SCIN: variants seen among roughly 807,000 people sequenced by gnomAD.
SCIN encodes the protein scinderin, also known as adseverin.
Under a neutral mutation model 91.8 loss-of-function variants are expected in SCIN, and 91 were observed. The ratio of observed to expected loss-of-function variants is 0.99; its 90% CI spans 0.84 to 1.18. SCIN has a LOEUF of 1.18. Among genes scored for constraint, SCIN ranks in the 50% most tolerant of loss-of-function variants. The pLI is 0.00. For synonymous variants in SCIN, 367 were observed against 312.6 expected, an observed-to-expected ratio of 1.17 and a Z score of -1.84; for missense variants, 1,087 against 863.9, an observed-to-expected ratio of 1.26 and a Z score of -3.24.
Position 12,652,720 on chromosome 7 carries a change from G to A in SCIN, c.*5G>A. On this transcript the variant is annotated 3_prime_UTR_variant, in exon 16 of 16. Coordinates refer to ENST00000297029, the MANE Select transcript of SCIN (RefSeq NM_001112706.3). ...TGGGATTCCAGCAAGTGGTAAATTG[G>A]TATTTGTAAAAAGCAAACAAACATT... 6.2e-7 allele frequency: 1 copy of A among 1,601,030 alleles called. No individual in the cohort carries two copies. Among genetic ancestry groups the A allele is most frequent in the Non-Finnish European group, 8.5e-7 (1 of 1,176,114 alleles).
At chr7:12,577,854 TCA>T (rs1782407266) in intron 1 of SCIN, 1 of 424,970 alleles carries the variant, frequency 2.4e-6, no homozygotes, top group Non-Finnish European at 4.0e-6. Context: ...ACACCCTCTC[TCA>T]AAAAAAAAAA....
rs1782251334 is a variant in SCIN, at chr7:12,570,870, G to C, written c.84G>C (p.Glu28Asp). The C allele has an allele frequency of 6.4e-7, 1 of 1,551,518 alleles. No homozygotes were observed. The highest frequency in any genetic ancestry group is 2.0e-5 in the Admixed American group (1 of 50,990). The change falls in exon 1 of 16, where the codon GAG becomes GAC. Residue 28 changes from glutamate (E) to aspartate (D), a missense_variant. Coordinates refer to ENST00000297029, the MANE Select transcript of SCIN (RefSeq NM_001112706.3). ...AGGTCTGGAGGATTGAGAAGCTGGA[G>C]CTGGTGCCCGTGCCCCAGAGCGCTC... ...GLQVWRIEKL[E>D]LVPVPQSAHG...
At chr7:12,648,913 T>C (rs1472325134) in intron 13 of SCIN, among the ~76,000 whole-genome samples, 1 of 152,122 alleles carries the variant, frequency 6.6e-6, no homozygotes. Flanking sequence ...GGAGTTAAAG[T>C]TTCACTGACA....
At chr7:12,644,344 C>CTAGAATTTAT in intron 12 of SCIN, 29 bp downstream of exon 12, 1 of 1,556,774 alleles carries the variant, frequency 6.4e-7, no homozygotes, top group Non-Finnish European at 8.7e-7. Flanking sequence ...AGGGCACTAA[C>CTAGAATTTAT]TAGAATTTAT....
Position 12,625,058 on chromosome 7 carries a change from A to T in SCIN, c.808A>T (p.Asn270Tyr). Residue 270 changes from asparagine to tyrosine, a missense_variant, in exon 6 of 16, where the codon AAC becomes TAC. Asn to Tyr is a moderately radical substitution (Grantham distance 143). Coordinates refer to ENST00000297029, the MANE Select transcript of SCIN (RefSeq NM_001112706.3). ...GAGAGTGACTGTGGTGGCAGAAGAA[A>T]ACCCCTTCTCAATGGCAATGCTGCT... ...SMRVTVVAEENPFSMAMLLSE... is the reference protein window; with the variant it reads ...SMRVTVVAEEYPFSMAMLLSE... 6.3e-7 allele frequency: 1 copy of T among 1,590,378 alleles called. No homozygotes were observed. The highest frequency in any genetic ancestry group is 8.6e-7 in the Non-Finnish European group (1 of 1,167,258).
rs1371339474 is a variant in SCIN at position 12,636,050 on chromosome 7, G to C, written c.1325G>C (p.Gly442Ala). Residue 442 changes from glycine (G) to alanine (A), a missense_variant, in exon 10 of 16, where the codon GGA becomes GCA. Transcript: ENST00000297029. ...TTTCACTTTCATTCCTCTAGGCAAG[G>C]AGCAAATGCCACACGAGATGAGCTG... is the stretch of plus-strand genomic sequence containing the variant. The part of the protein sequence containing the change: ...PRGQIIYTWQ[G>A]ANATRDELTT... The C allele has an allele frequency of 1.2e-6, 2 of 1,611,750 alleles. No homozygotes were observed. Among genetic ancestry groups the C allele is most frequent in the South Asian group, 1.1e-5 (1 of 90,410 alleles).
intron 11 of SCIN, among the ~76,000 whole-genome samples, chr7:12,642,210 C>T (rs903203723): frequency 3.3e-5 from 5 of 152,220 alleles, no homozygotes; most frequent in African/African-American, 1.2e-4. Context: ...CCCCACCCAT[C>T]TGGCCACCAA....
intron 3 of SCIN, among the ~76,000 whole-genome samples, chr7:12,601,488 G>A (rs924803617): frequency 6.6e-6 from 1 of 152,160 alleles, no homozygotes; most frequent in Non-Finnish European, 1.5e-5. Flanking sequence ...AACTCTACAT[G>A]GTTGACTAGA....
At chr7:12,616,653 A>T (rs1032178769) in intron 4 of SCIN, among the ~76,000 whole-genome samples, 1 of 152,162 alleles carries the variant, frequency 6.6e-6, no homozygotes, top group Admixed American at 6.6e-5. Flanking sequence ...ACAGAGCCAG[A>T]ATATTATAGA....
intron 3 of SCIN, among the ~76,000 whole-genome samples, chr7:12,591,481 A>G (rs1314692674): frequency 1.3e-5 from 2 of 152,104 alleles, no homozygotes; most frequent in Non-Finnish European, 2.9e-5. Context: ...AGGAAGGAGG[A>G]TTTCCTTTCT....
chr7:12,621,518 G>T (rs1783406572), intron 4 of SCIN, among the ~76,000 whole-genome samples: 1 of 151,988 alleles, frequency 6.6e-6, no homozygotes, highest in African/African-American at 2.4e-5. Flanking sequence ...CCTAACTATG[G>T]TCTTAGTTGG....
intron 9 of SCIN, among the ~76,000 whole-genome samples, chr7:12,629,901 A>C (rs1220494298): frequency 6.6e-6 from 1 of 152,212 alleles, no homozygotes; most frequent in African/African-American, 2.4e-5. Context: ...AAATTCTCTA[A>C]CTTTTTATTA....
intron 9 of SCIN, among the ~76,000 whole-genome samples, chr7:12,631,792 A>T (rs1319298311): frequency 6.6e-6 from 1 of 152,200 alleles, no homozygotes; most frequent in Non-Finnish European, 1.5e-5. Context: ...GTTATAAGCA[A>T]CAGAAAATGA....
chr7:12,592,591 C>G (rs931317603), intron 3 of SCIN, among the ~76,000 whole-genome samples: 1 of 151,426 alleles, frequency 6.6e-6, no homozygotes, highest in African/African-American at 2.4e-5. Context: ...CGGAGAGGAG[C>G]AGGAGGGGAC....
intron 3 of SCIN, among the ~76,000 whole-genome samples, chr7:12,583,065 A>G (rs1423997719): frequency 1.3e-5 from 2 of 152,108 alleles, no homozygotes; most frequent in Non-Finnish European, 2.9e-5. Context: ...GGCACTTCCC[A>G]GTGATAATGT....
At chr7:12,584,109 A>G (rs1782540912) in intron 3 of SCIN, among the ~76,000 whole-genome samples, 2 of 152,208 alleles carry the variant, frequency 1.3e-5, no homozygotes, top group African/African-American at 4.8e-5. Context: ...GTATGTTGCC[A>G]AAAGTTTCTG....
Position 12,646,054 on chromosome 7 carries a change from T to G in SCIN, c.1881+1349T>G, listed in dbSNP as rs914876832. Among the ~76,000 whole-genome samples, 4 of 152,356 alleles carry G rather than the reference T, an allele frequency of 2.6e-5. No individual in the cohort carries two copies. The East Asian group carries it at 5.8e-4, about 22-fold the overall frequency. On this transcript the variant is annotated intron_variant, in intron 13 of 15. Transcript: ENST00000297029. Reference sequence around the variant, plus strand: ...AATTAAAAATATTATGGAAATATTATGATCATTGGGCAAAAATCACAGAAA... The same window carrying G: ...AATTAAAAATATTATGGAAATATTAGGATCATTGGGCAAAAATCACAGAAA...
At chr7:12,631,874 C>G (rs1783650383) in intron 9 of SCIN, among the ~76,000 whole-genome samples, 3 of 152,012 alleles carry the variant, frequency 2.0e-5, no homozygotes, top group Admixed American at 6.6e-5. Context: ...AGAAGTTGAT[C>G]CAAGAAATGC....
intron 13 of SCIN, among the ~76,000 whole-genome samples, chr7:12,647,600 G>A (rs1266108976): frequency 6.6e-6 from 1 of 152,160 alleles, no homozygotes; most frequent in Non-Finnish European, 1.5e-5. Flanking sequence ...TAACTTAGCT[G>A]TTGCATATAA....
Sources: allele counts gnomAD v4.1 joint callset (sites outside exome capture counted in the v4.1 genomes callset), GRCh38; gene constraint gnomAD v4.1.1; transcripts MANE v1.5; gene names NCBI Gene and HGNC (gene_info 2026-07-23, HGNC 2026-07-21).